The following COL28A1 variants were observed in gnomAD, a reference collection of about 807,000 sequenced individuals.
COL28A1 encodes the protein collagen alpha-1(XXVIII) chain.
A neutral mutation model predicts 150.2 loss-of-function variants in COL28A1; 161 were observed. The observed-to-expected ratio is 1.07, with a 90% CI of 0.94 to 1.22. COL28A1 has a LOEUF of 1.22. COL28A1 is among the 50% of genes most tolerant of loss of function. COL28A1 has a pLI of 0.00. For missense variants in COL28A1, 1,617 were observed against 1,388.3 expected, an observed-to-expected ratio of 1.16 and a Z score of -2.62; for synonymous variants, 552 against 469.7, an observed-to-expected ratio of 1.18 and a Z score of -2.26.
chr7:7,472,976 T>G (rs1009640581), intron 15 of COL28A1, among the ~76,000 whole-genome samples: 2 of 152,188 alleles, frequency 1.3e-5, no homozygotes, highest in Admixed American at 6.5e-5. Flanking sequence ...GCAAGCCATA[T>G]GTAGAAGAAT....
chr7:7,485,954 A>G (rs1461123042), intron 13 of COL28A1, among the ~76,000 whole-genome samples: 2 of 152,144 alleles, frequency 1.3e-5, no homozygotes, highest in African/African-American at 2.4e-5. Flanking sequence ...TTGCCTTTCC[A>G]TATTAATTTT....
chr7:7,381,899 C>G (rs1489997482), intron 27 of COL28A1, among the ~76,000 whole-genome samples: 10 of 152,148 alleles, frequency 6.6e-5, no homozygotes, highest in African/African-American at 1.7e-4. Context: ...GTGGCTAATT[C>G]AAGCTATGAA....
At chr7:7,543,673 G>C in the COL28A1 span, among the ~76,000 whole-genome samples, 2 of 151,986 alleles carry the variant, frequency 1.3e-5, no homozygotes, top group Non-Finnish European at 2.9e-5. Context: ...ACAACTTCAA[G>C]TACACACACA....
chr7:7,393,820 G>A (rs1417033588), intron 27 of COL28A1, among the ~76,000 whole-genome samples: 1 of 152,152 alleles, frequency 6.6e-6, no homozygotes, highest in Non-Finnish European at 1.5e-5. Context: ...AGACTGCTGT[G>A]CTGGCAGTGA....
At chr7:7,404,854 T>C (rs1783407293) in intron 27 of COL28A1, among the ~76,000 whole-genome samples, 1 of 152,142 alleles carries the variant, frequency 6.6e-6, no homozygotes, top group Non-Finnish European at 1.5e-5. Context: ...CTGGCATACT[T>C]ACATATGTTC....
chr7:7,346,503 G>C, the COL28A1 span, among the ~76,000 whole-genome samples: 2 of 151,896 alleles, frequency 1.3e-5, no homozygotes, highest in African/African-American at 2.4e-5. Flanking sequence ...GAATTAGAAT[G>C]AAAATAAAGA....
At chr7:7,438,163 A>C (rs548114104) in intron 21 of COL28A1, among the ~76,000 whole-genome samples, 7 of 152,216 alleles carry the variant, frequency 4.6e-5, no homozygotes, top group African/African-American at 1.7e-4. Context: ...GAGGCAGGAG[A>C]ATCACTCAAA....
At chr7:7,421,877 A>C (rs1396118804) in intron 25 of COL28A1, among the ~76,000 whole-genome samples, 1 of 152,136 alleles carries the variant, frequency 6.6e-6, no homozygotes, top group Non-Finnish European at 1.5e-5. Context: ...GGTGCTAATT[A>C]TCTCTTTAAC....
intron 14 of COL28A1, among the ~76,000 whole-genome samples, chr7:7,476,686 G>C (rs1023140504): frequency 6.6e-6 from 1 of 152,126 alleles, no homozygotes; most frequent in Non-Finnish European, 1.5e-5. Context: ...TTTTGTTTCT[G>C]TAGTAAAATT....
intron 27 of COL28A1, among the ~76,000 whole-genome samples, chr7:7,408,255 T>C (rs1783597986): frequency 6.6e-6 from 1 of 152,148 alleles, no homozygotes; most frequent in South Asian, 2.1e-4. Context: ...GCTCTGGGGC[T>C]AAATATCTTT....
intron 27 of COL28A1, among the ~76,000 whole-genome samples, chr7:7,388,197 G>A (rs917855533): frequency 3.3e-5 from 5 of 151,582 alleles, no homozygotes; most frequent in African/African-American, 9.7e-5. Context: ...GGTGTGTGAT[G>A]TTCCCCTCCC....
At chr7:7,455,817 A>T (rs1787116397) in intron 16 of COL28A1, among the ~76,000 whole-genome samples, 1 of 152,270 alleles carries the variant, frequency 6.6e-6, no homozygotes, top group Admixed American at 6.5e-5. Context: ...TAAAAGTCAC[A>T]GCATCAAGAA....
chr7:7,518,708 A>C (rs764934723), intron 6 of COL28A1, among the ~76,000 whole-genome samples: 2 of 152,180 alleles, frequency 1.3e-5, no homozygotes, highest in Non-Finnish European at 2.9e-5. Context: ...TGCTGTGTTA[A>C]TTGCTATAAT....
intron 21 of COL28A1, 79 bp from the exon 22 acceptor site, chr7:7,437,541 T>C (rs1228326084): frequency 4.7e-6 from 7 of 1,502,616 alleles, no homozygotes; most frequent in Middle Eastern, 1.8e-4. Flanking sequence ...AGTACAGAAA[T>C]GTCTGCAGAT....
chr7:7,472,026 G>T (rs1185276556), intron 15 of COL28A1, among the ~76,000 whole-genome samples: 1 of 152,090 alleles, frequency 6.6e-6, no homozygotes, highest in Non-Finnish European at 1.5e-5. Flanking sequence ...ATACCTCAAG[G>T]TAATAACAAC....
intron 23 of COL28A1, among the ~76,000 whole-genome samples, chr7:7,433,816 A>C (rs974482044): frequency 6.6e-6 from 1 of 152,088 alleles, no homozygotes; most frequent in Non-Finnish European, 1.5e-5. Context: ...TCATGTTTTA[A>C]AATATTTATG....
intron 21 of COL28A1, among the ~76,000 whole-genome samples, chr7:7,440,368 A>G (rs17167753): frequency 0.042 from 6,411 of 152,320 alleles, 462 homozygotes; most frequent in African/African-American, 0.15. Flanking sequence ...ACTTGCTCCA[A>G]GAGGTTCATG....
chr7:7,526,970 C>T (rs902582591), intron 3 of COL28A1, among the ~76,000 whole-genome samples: 1 of 152,154 alleles, frequency 6.6e-6, no homozygotes, highest in Non-Finnish European at 1.5e-5. Context: ...TTTAAATTCA[C>T]GAATTCAGCT....
At chr7:7,471,148 A>AAAAAAAAAAAAACAAAGACC (rs1788393054) in intron 15 of COL28A1, among the ~76,000 whole-genome samples, 1 of 150,466 alleles carries the variant, frequency 6.6e-6, no homozygotes, top group Non-Finnish European at 1.5e-5. Context: ...AAAAAAAGAA[A>AAAAAAAAAAAAACAAAGACC]AGATACAACC....
Sources: gnomAD v4.1 joint callset for allele counts (sites outside exome capture counted in the v4.1 genomes callset) on GRCh38, gnomAD v4.1.1 for gene constraint, MANE v1.5 for transcripts, NCBI Gene and HGNC (gene_info 2026-07-23, HGNC 2026-07-21) for gene names.